AHCTF1: variants seen among roughly 807,000 people sequenced by gnomAD.
The protein encoded by AHCTF1 is protein ELYS.
A neutral mutation model predicts 248.4 loss-of-function variants in AHCTF1; 24 were observed. The ratio of observed to expected loss-of-function variants is 0.10; its 90% CI spans 0.07 to 0.14. AHCTF1 has a LOEUF of 0.14. Ranked by LOEUF, AHCTF1 falls within the 10% of genes least tolerant of loss-of-function variation. The pLI is 1.00. For synonymous variants in AHCTF1, 786 were observed against 929.8 expected (o/e 0.85, Z 2.81); for missense variants, 2,206 against 2,636.2 (o/e 0.84, Z 3.57).
intron 29 of AHCTF1, among the ~76,000 whole-genome samples, chr1:246,860,690 A>AAGAC (rs1433057536): frequency 1.3e-5 from 2 of 152,056 alleles, no homozygotes; most frequent in Non-Finnish European, 2.9e-5. Flanking sequence ...CTATTTTGTA[A>AAGAC]AGACAGGGCC....
chr1:246,888,203 C>T lies in AHCTF1; in HGVS notation c.2299G>A (p.Val767Ile), dbSNP rs1160209890. 23 of 1,613,868 alleles carry T rather than the reference C, an allele frequency of 1.4e-5. No individual in the cohort carries two copies. The highest frequency in any genetic ancestry group is 3.3e-5 in the Admixed American group (2 of 59,982). Residue 767 changes from valine (V) to isoleucine (I), a missense_variant, in exon 19 of 36, where the codon GTT becomes ATT. Val to Ile is a conservative substitution (Grantham distance 29). Coordinates refer to ENST00000648844, the MANE Select transcript of AHCTF1 (RefSeq NM_001323342.2). ...AVLDMYLLDG[V>I]TEAAKHSITI... ...ATAGAGTGTTTGGCTGCTTCAGTAA[C>T]GCCGTCTAATAGGTACATATCAAGT...
intron 4 of AHCTF1, 28 bp downstream of exon 4, chr1:246,913,204 T>G: frequency 6.6e-7 from 1 of 1,507,288 alleles, no homozygotes; most frequent in Non-Finnish European, 8.9e-7. Context: ...GGTGCTCCAT[T>G]TTTGGTTTCA....
At chr1:246,903,660 C>CG (rs1553301273) in intron 7 of AHCTF1, among the ~76,000 whole-genome samples, 1 of 117,202 alleles carries the variant, frequency 8.5e-6, no homozygotes, top group African/African-American at 3.4e-5. Context: ...AGACCCCCCC[C>CG]CCTCCGTCTC....
At chr1:246,899,368 C>G (rs1664837749) in intron 11 of AHCTF1, 83 bp downstream of exon 11, 3 of 1,169,662 alleles carry the variant, frequency 2.6e-6, no homozygotes, top group African/African-American at 3.2e-5. Flanking sequence ...GTCAATATCA[C>G]TAAGTAAAAC....
At chr1:246,847,853 T>C (rs1412816607) in intron 33 of AHCTF1, among the ~76,000 whole-genome samples, 1 of 152,202 alleles carries the variant, frequency 6.6e-6, no homozygotes, top group Non-Finnish European at 1.5e-5. Flanking sequence ...GGTTACTATA[T>C]TCCTCCAGGT....
rs1662057813 is a variant in AHCTF1, at chr1:246,867,358, A to G, written c.3240-7T>C. ...TGGTTCTTCTATTTTAGAACTATGA[A>G]AATAAAAATTTAACTTCTGATGTAT... On this transcript the variant is annotated splice_region_variant and splice_polypyrimidine_tract_variant and intron_variant, in intron 25 of 35. Transcript: ENST00000648844. The G allele has an allele frequency of 3.9e-6, 6 of 1,547,232 alleles. No individual in the cohort carries two copies. The highest frequency in any genetic ancestry group is 5.3e-6 in the Non-Finnish European group (6 of 1,141,398).
chr1:246,883,517 C>T (rs569156812), intron 21 of AHCTF1, among the ~76,000 whole-genome samples: 1 of 152,314 alleles, frequency 6.6e-6, no homozygotes, highest in African/African-American at 2.4e-5. Flanking sequence ...GGGCAATAAA[C>T]ATGGCTGCCT....
At chr1:246,898,079 G>T in intron 12 of AHCTF1, 129 bp downstream of exon 12, 1 of 1,298,370 alleles carries the variant, frequency 7.7e-7, no homozygotes, top group Non-Finnish European at 1.1e-6. Flanking sequence ...CACAACTGCT[G>T]ATCACCCAGA....
intron 33 of AHCTF1, among the ~76,000 whole-genome samples, chr1:246,848,740 C>T (rs1477527741): frequency 6.6e-6 from 1 of 151,844 alleles, no homozygotes; most frequent in Middle Eastern, 3.2e-3. Context: ...ATCCCAGCTA[C>T]TAGGGAGGCT....
At chr1:246,923,476 A>T (rs2103248102) in intron 1 of AHCTF1, among the ~76,000 whole-genome samples, 1 of 152,334 alleles carries the variant, frequency 6.6e-6, no homozygotes, top group South Asian at 2.1e-4. Context: ...AAACAATGTG[A>T]TATAGGCTAG....
intron 8 of AHCTF1, among the ~76,000 whole-genome samples, chr1:246,901,414 A>G (rs572515145): frequency 4.7e-4 from 71 of 152,240 alleles, no homozygotes; most frequent in African/African-American, 1.6e-3. Flanking sequence ...AGGCGGGTGG[A>G]TCATGAGGTC....
chr1:246,886,997 C>G (rs1047468156), intron 20 of AHCTF1, among the ~76,000 whole-genome samples: 1 of 152,150 alleles, frequency 6.6e-6, no homozygotes, highest in Non-Finnish European at 1.5e-5. Flanking sequence ...TTATTAGTTT[C>G]CTTCTTTAAA....
intron 24 of AHCTF1, among the ~76,000 whole-genome samples, chr1:246,869,119 AG>A (rs1479994096): frequency 6.6e-6 from 1 of 151,952 alleles, no homozygotes; most frequent in Non-Finnish European, 1.5e-5. Context: ...GCTGGATTAC[AG>A]GCGTGAGCCA....
intron 16 of AHCTF1, among the ~76,000 whole-genome samples, chr1:246,890,744 C>G (rs1664155904): frequency 6.6e-6 from 1 of 151,858 alleles, no homozygotes; most frequent in Non-Finnish European, 1.5e-5. Flanking sequence ...GTTATTCAAT[C>G]CAATAAACAT....
rs975201765 is a variant in AHCTF1 at position 246,843,937 on chromosome 1, A to G, written c.6392-9T>C. 2.1e-5 allele frequency: 30 copies of G among 1,429,188 alleles called. No homozygotes were observed. The Admixed American group carries it at 3.1e-4, about 15-fold the overall frequency. 88.5% of individuals were successfully genotyped at this position (1,429,188 alleles called of 1,614,324 possible). A position where few individuals can be genotyped will look rare whatever the true frequency, so the allele number is the denominator to read the frequency against. ...AACCTCTATTTTTTTAGCTAAAAAA[A>G]GTTGAAAAAACTGTATCTGTATCTT... On this transcript the variant is annotated splice_polypyrimidine_tract_variant and intron_variant, in intron 33 of 35. Coordinates refer to ENST00000648844, the MANE Select transcript of AHCTF1 (RefSeq NM_001323342.2).
Position 246,899,441 on chromosome 1 carries a change from T to A in AHCTF1, c.1494+10A>T. 1 of 1,598,306 alleles carries A rather than the reference T, an allele frequency of 6.3e-7. No individual in the cohort carries two copies. The highest frequency in any genetic ancestry group is 1.3e-5 in the African/African-American group (1 of 74,318). On this transcript the variant is annotated intron_variant, in intron 11 of 35. Coordinates refer to ENST00000648844, the MANE Select transcript of AHCTF1 (RefSeq NM_001323342.2). ...TCAGTTCAATTAAGAAATCACTAGT[T>A]GTTACCTACCTCCTTCTGAAAGCCA...
chr1:246,931,439 G>GAGCCC, intron 1 of AHCTF1, 139 bp downstream of exon 1: 1 of 1,368,120 alleles, frequency 7.3e-7, no homozygotes, highest in East Asian at 3.0e-5. Flanking sequence ...TTGGCCCCGC[G>GAGCCC]CACGCCCGGC....
intron 24 of AHCTF1, among the ~76,000 whole-genome samples, chr1:246,868,634 A>T (rs1032010124): frequency 4.0e-5 from 6 of 148,428 alleles, no homozygotes; most frequent in African/African-American, 1.5e-4. Flanking sequence ...AAAAAAAGTT[A>T]TTCTTTGTGT....
intron 33 of AHCTF1, among the ~76,000 whole-genome samples, chr1:246,845,182 C>T (rs1006217903): frequency 2.6e-5 from 4 of 151,906 alleles, no homozygotes; most frequent in East Asian, 1.9e-4. Context: ...TTCTGCTTTT[C>T]GAGCATGATT....
Sources: allele counts gnomAD v4.1 joint callset (sites outside exome capture counted in the v4.1 genomes callset), GRCh38; gene constraint gnomAD v4.1.1; transcripts MANE v1.5; gene names NCBI Gene and HGNC (gene_info 2026-07-23, HGNC 2026-07-21).